The following PIGL variants were observed in gnomAD, a reference collection of about 807,000 sequenced individuals.
PIGL encodes phosphatidylinositol glycan anchor biosynthesis class L, also known as N-acetylglucosaminyl-phosphatidylinositol de-N-acetylase.
Under a neutral mutation model 31.1 loss-of-function variants are expected in PIGL, and 22 were observed. The observed-to-expected ratio is 0.71, with a 90% CI of 0.51 to 1.01. PIGL has a LOEUF of 1.01. Among genes scored for constraint, PIGL ranks in the 50% least tolerant of loss-of-function variants. The pLI, the probability that PIGL is intolerant of heterozygous loss-of-function variation, is 0.00. For missense variants in PIGL, 302 were observed against 315.9 expected (o/e 0.96, Z 0.33); for synonymous variants, 131 against 117.4 (o/e 1.12, Z -0.75).
chr17:16,311,484 TC>T (rs2093050056), intron 3 of PIGL, among the ~76,000 whole-genome samples: 2 of 113,700 alleles, frequency 1.8e-5, no homozygotes, highest in Admixed American at 1.9e-4. Flanking sequence ...TTTTTTTTGA[TC>T]ATTCTTGGGT....
At chr17:16,231,018 G>A (rs1486363518) in intron 1 of PIGL, among the ~76,000 whole-genome samples, 1 of 150,374 alleles carries the variant, frequency 6.7e-6, no homozygotes, top group Non-Finnish European at 1.5e-5. Flanking sequence ...GTTGGAGTGG[G>A]AGAGGAGCTT....
At chr17:16,278,546 T>C (rs61479315) in intron 2 of PIGL, among the ~76,000 whole-genome samples, 5,629 of 152,300 alleles carry the variant, frequency 0.037, 350 homozygotes, top group African/African-American at 0.13. Context: ...TTTATTCCAG[T>C]CTTCAATTTA....
chr17:16,302,294 C>CG (rs2093008124), intron 3 of PIGL, among the ~76,000 whole-genome samples: 1 of 152,100 alleles, frequency 6.6e-6, no homozygotes, highest in African/African-American at 2.4e-5. Flanking sequence ...AGCATGAAAG[C>CG]GGTAATGTTA....
chr17:16,270,594 C>T (rs2092867245), intron 2 of PIGL, among the ~76,000 whole-genome samples: 1 of 151,514 alleles, frequency 6.6e-6, no homozygotes, highest in Non-Finnish European at 1.5e-5. Context: ...TAGATGTTAC[C>T]CATGAAAACT....
In PIGL at chr17:16,225,667, C is replaced by G. The variant is rs969848888; in HGVS notation, c.235+8206C>G. ...GTTGTTGTTGTTGTTTTGTTTTTTG[C>G]ACGTGTTTCTTAGAACCATATTTGT... On this transcript the variant is annotated intron_variant, in intron 1 of 6. Transcript: ENST00000225609. Among the ~76,000 whole-genome samples, 17 of 150,780 alleles carry G rather than the reference C, an allele frequency of 1.1e-4. 1 individual carries two copies. The highest frequency in any genetic ancestry group is 1.0e-3 in the Admixed American group (15 of 15,038).
At chr17:16,300,538 G>A (rs1194994389) in intron 3 of PIGL, among the ~76,000 whole-genome samples, 4 of 152,160 alleles carry the variant, frequency 2.6e-5, no homozygotes, top group African/African-American at 9.6e-5. Flanking sequence ...AAAATTAGCC[G>A]GGCGTGGTGG....
intron 2 of PIGL, among the ~76,000 whole-genome samples, chr17:16,274,064 T>G (rs2092883454): frequency 6.6e-6 from 1 of 152,166 alleles, no homozygotes; most frequent in Non-Finnish European, 1.5e-5. Flanking sequence ...TCATCAGGGC[T>G]TCTAGAGTCT....
intron 2 of PIGL, among the ~76,000 whole-genome samples, chr17:16,266,627 G>A (rs1347752603): frequency 2.0e-5 from 3 of 151,378 alleles, no homozygotes; most frequent in African/African-American, 4.9e-5. Flanking sequence ...CGGGAGTCTC[G>A]CTCTGTTGCC....
intron 2 of PIGL, among the ~76,000 whole-genome samples, chr17:16,234,490 A>G (rs2142679875): frequency 6.7e-6 from 1 of 148,180 alleles, no homozygotes; most frequent in East Asian, 2.1e-4. Context: ...ACAGCGGGGC[A>G]CAGTGGCTTA....
At chr17:16,276,449 C>T (rs1437699065) in intron 2 of PIGL, among the ~76,000 whole-genome samples, 1 of 152,176 alleles carries the variant, frequency 6.6e-6, no homozygotes, top group Non-Finnish European at 1.5e-5. Flanking sequence ...AGACTAGACT[C>T]TGGCCGGGTG....
intron 2 of PIGL, among the ~76,000 whole-genome samples, chr17:16,264,989 A>G (rs778908924): frequency 9.2e-5 from 14 of 152,232 alleles, no homozygotes; most frequent in Non-Finnish European, 1.0e-4. Context: ...TAAAGAGACA[A>G]ACTTAGTTTT....
chr17:16,276,208 C>T (rs527238524), intron 2 of PIGL, among the ~76,000 whole-genome samples: 64 of 152,136 alleles, frequency 4.2e-4, no homozygotes, highest in Non-Finnish European at 1.2e-4. Context: ...TAAAATTATT[C>T]AAAGTAAACT....
chr17:16,224,594 A>G (rs975401239), intron 1 of PIGL, among the ~76,000 whole-genome samples: 1 of 149,538 alleles, frequency 6.7e-6, no homozygotes, highest in African/African-American at 2.5e-5. Flanking sequence ...AGGATGAGCC[A>G]CCATGCCCAG....
In PIGL at chr17:16,299,993, C is replaced by G; in HGVS notation, c.426+15C>G. On this transcript the variant is annotated intron_variant, in intron 3 of 6. Transcript: ENST00000225609. ...GCATCAATCTGGTAAGGGGGCAGCT[C>G]CCTGAATGGAAAACCTGAGGTCTTG... 1.2e-6 allele frequency: 2 copies of G among 1,601,882 alleles called. No individual in the cohort carries two copies. The highest frequency in any genetic ancestry group is 1.7e-6 in the Non-Finnish European group (2 of 1,168,982).
intron 2 of PIGL, among the ~76,000 whole-genome samples, chr17:16,239,281 A>C (rs2092713033): frequency 6.6e-6 from 1 of 150,462 alleles, no homozygotes; most frequent in Admixed American, 6.7e-5. Flanking sequence ...CAAGGGTTCA[A>C]GACCAGCCTG....
At chr17:16,282,330 T>C (rs1394044275) in intron 2 of PIGL, among the ~76,000 whole-genome samples, 1 of 152,188 alleles carries the variant, frequency 6.6e-6, no homozygotes, top group Non-Finnish European at 1.5e-5. Flanking sequence ...CATATCCTTG[T>C]TCTTTACAAC....
chr17:16,309,820 T>C (rs1236667478), intron 3 of PIGL, among the ~76,000 whole-genome samples: 4 of 151,868 alleles, frequency 2.6e-5, no homozygotes, highest in Non-Finnish European at 5.9e-5. Context: ...GGCTCACGCC[T>C]GTAATCCCAA....
chr17:16,265,100 T>C (rs1452157266), intron 2 of PIGL, among the ~76,000 whole-genome samples: 1 of 152,134 alleles, frequency 6.6e-6, no homozygotes, highest in Non-Finnish European at 1.5e-5. Context: ...GTGGTATTAT[T>C]TTTTTCTGTA....
intron 6 of PIGL, among the ~76,000 whole-genome samples, chr17:16,321,635 T>G (rs1045800996): frequency 6.6e-6 from 1 of 152,214 alleles, no homozygotes; most frequent in Non-Finnish European, 1.5e-5. Context: ...ATTAATTATC[T>G]TGTTTCTTCA....
Sources: gnomAD v4.1 joint callset for allele counts (sites outside exome capture counted in the v4.1 genomes callset) on GRCh38, gnomAD v4.1.1 for gene constraint, MANE v1.5 for transcripts, NCBI Gene and HGNC (gene_info 2026-07-23, HGNC 2026-07-21) for gene names.